The following ACSS1 variants were observed in gnomAD, a reference collection of about 807,000 sequenced individuals.
The protein encoded by ACSS1 is acyl-CoA synthetase short chain family member 1.
Under a neutral mutation model 75.3 loss-of-function variants are expected in ACSS1, and 42 were observed. The observed-to-expected ratio is 0.56, with a 90% CI of 0.44 to 0.72. ACSS1 has a LOEUF of 0.72. Among genes scored for constraint, ACSS1 ranks in the 30% least tolerant of loss-of-function variants. The pLI, the probability that ACSS1 is intolerant of heterozygous loss-of-function variation, is 0.00. For synonymous variants in ACSS1, 380 were observed against 376.8 expected (o/e 1.01, Z -0.10); for missense variants, 782 against 935.7 (o/e 0.84, Z 2.14).
intron 2 of ACSS1, 90 bp from the exon 3 acceptor site, chr20:25,031,048 G>T: frequency 7.8e-7 from 1 of 1,283,684 alleles, no homozygotes. Flanking sequence ...CAAATTTTAT[G>T]TCATATACAT....
chr20:25,026,127 G>C (rs2088712911), intron 3 of ACSS1, among the ~76,000 whole-genome samples: 2 of 152,226 alleles, frequency 1.3e-5, no homozygotes, highest in Non-Finnish European at 2.9e-5. Flanking sequence ...AACCCTGGAA[G>C]CCAGGCCAGG....
chr20:25,009,435 A>G (rs2088368452), intron 12 of ACSS1, 47 bp from the exon 13 acceptor site: 1 of 1,503,170 alleles, frequency 6.7e-7, no homozygotes, highest in African/African-American at 1.4e-5. Context: ...CTAGACAAGG[A>G]GCCAACTCCC....
intron 1 of ACSS1, among the ~76,000 whole-genome samples, chr20:25,055,876 C>G (rs1198295141): frequency 6.6e-6 from 1 of 152,214 alleles, no homozygotes; most frequent in Admixed American, 6.5e-5. Context: ...ATGGCCTGGC[C>G]TGGCCCTTTT....
chr20:25,051,887 G>A (rs550056312), intron 1 of ACSS1, among the ~76,000 whole-genome samples: 3 of 152,294 alleles, frequency 2.0e-5, no homozygotes, highest in South Asian at 2.1e-4. Context: ...CTTGGTCTGG[G>A]TGGGACTGGA....
chr20:25,012,700 C>T (rs373259842), intron 11 of ACSS1, 36 bp from the exon 12 acceptor site: 171 of 1,613,976 alleles, frequency 1.1e-4, no homozygotes, highest in African/African-American at 2.0e-4. Flanking sequence ...CAAAATGTGG[C>T]GGCCCCGGGT....
rs756160477 is a variant in ACSS1 at position 25,009,373 on chromosome 20, A to G, written c.1787T>C (p.Ile596Thr). Reference protein sequence around the residue: ...DIKGEAAFAFIVVKDSAGDSD... With the variant: ...DIKGEAAFAFTVVKDSAGDSD... ...GTCACCCGCACTATCTTTCACCACA[A>G]TGAAGGCAAAGGCAGCTGAAAATAA... The change falls in exon 13 of 14, where the codon ATT becomes ACT. Residue 596 changes from isoleucine to threonine, a missense_variant. Coordinates refer to ENST00000323482, the MANE Select transcript of ACSS1 (RefSeq NM_032501.4). 1.9e-6 allele frequency: 3 copies of G among 1,614,144 alleles called. No homozygotes were observed. Among genetic ancestry groups the G allele is most frequent in the Non-Finnish European group, 2.5e-6 (3 of 1,179,988 alleles).
rs192033932 is a variant in ACSS1, at chr20:25,014,047, G to A, written c.1366C>T (p.Arg456Trp). 102 of 1,611,966 alleles carry A rather than the reference G, an allele frequency of 6.3e-5. No homozygotes were observed. The Admixed American group carries it at 8.4e-4, about 13-fold the overall frequency. ...TETGGICIAPRPSEEGAEILP... is the reference protein window; with the variant it reads ...TETGGICIAPWPSEEGAEILP... Reference sequence around the variant, plus strand: ...ATTTCCGCCCCTTCTTCCGAGGGCCGTGGTGCGATGCAGATGCCACCTGTT... The same window carrying A: ...ATTTCCGCCCCTTCTTCCGAGGGCCATGGTGCGATGCAGATGCCACCTGTT... The change falls in exon 9 of 14, where the codon CGG becomes TGG. Residue 456 changes from arginine to tryptophan, a missense_variant. This residue lies in a region of ACSS1 where 405 missense variants were observed against 552.6 expected (regional missense o/e 0.73). Coordinates refer to ENST00000323482, the MANE Select transcript of ACSS1 (RefSeq NM_032501.4).
chr20:25,026,831 C>T (rs2088727899), intron 3 of ACSS1, among the ~76,000 whole-genome samples: 1 of 152,224 alleles, frequency 6.6e-6, no homozygotes, highest in Non-Finnish European at 1.5e-5. Flanking sequence ...GCAGAGTCCT[C>T]TTCAGGACAG....
chr20:25,019,954 G>A (rs1314243550), intron 7 of ACSS1, 56 bp downstream of exon 7: 71 of 1,609,786 alleles, frequency 4.4e-5, no homozygotes, highest in Non-Finnish European at 1.3e-5. Flanking sequence ...AGCCCGTATT[G>A]GCTCTGAGGG....
At chr20:25,012,434 A>G in intron 12 of ACSS1, 167 bp downstream of exon 12, 1 of 819,542 alleles carries the variant, frequency 1.2e-6, no homozygotes, top group South Asian at 1.7e-5. Flanking sequence ...CACGAGTGCT[A>G]TTCAGCCTCC....
chr20:25,031,125 GAA>G (rs1568840204), intron 2 of ACSS1, 167 bp from the exon 3 acceptor site: 3 of 756,916 alleles, frequency 4.0e-6, no homozygotes, highest in Middle Eastern at 2.3e-4. Flanking sequence ...TCCAGAAAAA[GAA>G]AAGTTTTTAA....
In ACSS1 at chr20:25,050,966, A is replaced by C. The variant is rs1338670962; in HGVS notation, c.335-2785T>G. Reference sequence around the variant, plus strand: ...GCCTGGGTCCAGCAGATCAGAACAGAGCCCCAAACACAGTGTCCCCCAGGT... The same window carrying C: ...GCCTGGGTCCAGCAGATCAGAACAGCGCCCCAAACACAGTGTCCCCCAGGT... On this transcript the variant is annotated intron_variant, in intron 1 of 13. Coordinates refer to ENST00000323482, the MANE Select transcript of ACSS1 (RefSeq NM_032501.4). Among the ~76,000 whole-genome samples, 3 of 152,040 alleles carry C rather than the reference A, an allele frequency of 2.0e-5. No individual in the cohort carries two copies. In the East Asian group the frequency reaches 5.8e-4, roughly 29 times the overall value.
chr20:25,022,658 A>T (rs113656409), intron 5 of ACSS1, among the ~76,000 whole-genome samples: 1 of 152,230 alleles, frequency 6.6e-6, no homozygotes, highest in East Asian at 1.9e-4. Context: ...TTCTAAAAAG[A>T]GTTTTTAAAA....
intron 2 of ACSS1, among the ~76,000 whole-genome samples, chr20:25,040,502 G>T (rs1408169178): frequency 6.6e-6 from 1 of 152,238 alleles, no homozygotes; most frequent in Non-Finnish European, 1.5e-5. Flanking sequence ...TTGCCTCTTG[G>T]CAGCAGCCTA....
intron 12 of ACSS1, chr20:25,011,998 C>T (rs1222221719): frequency 6.4e-6 from 1 of 156,976 alleles, no homozygotes; most frequent in Non-Finnish European, 1.4e-5. Flanking sequence ...TGCTCCCGCC[C>T]CTTCCCAGAC....
chr20:25,045,112 A>C (rs1233525755), intron 2 of ACSS1, among the ~76,000 whole-genome samples: 1 of 152,248 alleles, frequency 6.6e-6, no homozygotes. Context: ...TATCACGGCT[A>C]TTCTTACTTG....
intron 1 of ACSS1, among the ~76,000 whole-genome samples, chr20:25,049,132 A>C (rs924124332): frequency 9.9e-5 from 15 of 152,256 alleles, no homozygotes; most frequent in Admixed American, 6.5e-5. Flanking sequence ...AATTACTAAT[A>C]CTAGTAAGAG....
intron 3 of ACSS1, among the ~76,000 whole-genome samples, chr20:25,024,593 G>A (rs1220088668): frequency 6.6e-6 from 1 of 152,196 alleles, no homozygotes; most frequent in Non-Finnish European, 1.5e-5. Context: ...CTCCATAATT[G>A]GGGTACAAAT....
chr20:25,042,676 CA>C (rs2089023364), intron 2 of ACSS1, among the ~76,000 whole-genome samples: 1 of 152,148 alleles, frequency 6.6e-6, no homozygotes, highest in Admixed American at 6.5e-5. Flanking sequence ...GGGGAGGGGG[CA>C]CACTTTAGCT....
Sources: allele counts gnomAD v4.1 joint callset (sites outside exome capture counted in the v4.1 genomes callset), GRCh38; gene constraint gnomAD v4.1.1; regional missense constraint gnomAD v4.1.1; transcripts MANE v1.5; gene names NCBI Gene and HGNC (gene_info 2026-07-23, HGNC 2026-07-21).